EXOC4: variants seen among roughly 807,000 people sequenced by gnomAD.
The protein encoded by EXOC4 is SEC8-like 1.
Under a neutral mutation model 107.2 loss-of-function variants are expected in EXOC4, and 71 were observed. That is an observed-to-expected ratio of 0.66 (90% CI 0.55 to 0.81). The LOEUF is 0.81. Ranked by LOEUF, EXOC4 falls within the 30% of genes least tolerant of loss-of-function variation. The probability of loss-of-function intolerance (pLI) is 0.00; values close to 1 mark genes in which losing one functional copy is unlikely to be tolerated. For synonymous variants in EXOC4, 456 were observed against 441.2 expected, an observed-to-expected ratio of 1.03 and a Z score of -0.42; for missense variants, 1,108 against 1,189.6, an observed-to-expected ratio of 0.93 and a Z score of 1.01.
At chr7:133,634,690 G>A (rs1348836626) in intron 10 of EXOC4, among the ~76,000 whole-genome samples, 2 of 152,010 alleles carry the variant, frequency 1.3e-5, no homozygotes, top group Non-Finnish European at 2.9e-5. Context: ...TCGCCATGTT[G>A]GCCAGGCTGG....
chr7:133,366,763 A>C (rs1162005038), intron 6 of EXOC4, among the ~76,000 whole-genome samples: 1 of 152,158 alleles, frequency 6.6e-6, no homozygotes, highest in African/African-American at 2.4e-5. Context: ...CTATTTTGCC[A>C]ATCAGTGTCA....
chr7:133,903,424 G>A (rs1204845322), intron 12 of EXOC4, among the ~76,000 whole-genome samples: 2 of 152,202 alleles, frequency 1.3e-5, no homozygotes, highest in African/African-American at 4.8e-5. Flanking sequence ...CAGAGATGGA[G>A]GGAACTGGGT....
At chr7:133,613,143 ATTT>A (rs1802111585) in intron 9 of EXOC4, among the ~76,000 whole-genome samples, 1 of 152,184 alleles carries the variant, frequency 6.6e-6, no homozygotes, top group South Asian at 2.1e-4. Context: ...ATATTAGTCT[ATTT>A]TTATCATTTA....
chr7:133,558,189 CTCTTTTCTTTTCTTT>C (rs11275864), intron 9 of EXOC4, among the ~76,000 whole-genome samples: 3,392 of 114,330 alleles, frequency 0.03, 65 homozygotes, highest in East Asian at 0.1. Flanking sequence ...TTGGTTCCTT[CTCTTTTCTTTTCTTT>C]TCTTTTCTTT....
chr7:133,969,284 C>A (rs1438840345), intron 14 of EXOC4, among the ~76,000 whole-genome samples: 2 of 151,818 alleles, frequency 1.3e-5, no homozygotes, highest in Middle Eastern at 6.8e-3. Context: ...TGGGTTAGAA[C>A]ATGCTACTTT....
At chr7:133,618,096 A>G (rs1266049331) in intron 9 of EXOC4, among the ~76,000 whole-genome samples, 1 of 152,150 alleles carries the variant, frequency 6.6e-6, no homozygotes, top group African/African-American at 2.4e-5. Flanking sequence ...TATCAGACAC[A>G]TGATACAGGC....
At chr7:133,725,950 C>G (rs574442807) in intron 10 of EXOC4, among the ~76,000 whole-genome samples, 34 of 152,240 alleles carry the variant, frequency 2.2e-4, no homozygotes, top group African/African-American at 8.2e-4. Flanking sequence ...TGTTTGGACT[C>G]CACATTTGAC....
intron 10 of EXOC4, among the ~76,000 whole-genome samples, chr7:133,676,822 T>A (rs1794067986): frequency 6.6e-6 from 1 of 152,174 alleles, no homozygotes; most frequent in South Asian, 2.1e-4. Flanking sequence ...GTTCTTAAGA[T>A]CTCTTATTTA....
At chr7:133,448,347 G>C (rs1249476776) in intron 7 of EXOC4, among the ~76,000 whole-genome samples, 2 of 151,918 alleles carry the variant, frequency 1.3e-5, no homozygotes. Context: ...ACCCAGACTG[G>C]AATACAGTGG....
chr7:133,633,506 G>T (rs563403764), intron 10 of EXOC4, among the ~76,000 whole-genome samples: 1 of 152,180 alleles, frequency 6.6e-6, no homozygotes, highest in African/African-American at 2.4e-5. Flanking sequence ...ATCACCTGAG[G>T]TCAGGAGTTT....
intron 10 of EXOC4, among the ~76,000 whole-genome samples, chr7:133,678,946 G>A (rs924206110): frequency 2.0e-5 from 3 of 152,166 alleles, no homozygotes; most frequent in Non-Finnish European, 2.9e-5. Context: ...ATGGCTCCTC[G>A]TCCTGCCTGG....
chr7:133,760,286 T>C (rs1282022398), intron 10 of EXOC4, among the ~76,000 whole-genome samples: 1 of 152,210 alleles, frequency 6.6e-6, no homozygotes, highest in Non-Finnish European at 1.5e-5. Context: ...GTATAGTGAC[T>C]ATATTGGAAT....
intron 7 of EXOC4, among the ~76,000 whole-genome samples, chr7:133,469,682 A>G (rs1798823595): frequency 6.6e-6 from 1 of 152,206 alleles, no homozygotes; most frequent in South Asian, 2.1e-4. Flanking sequence ...CTGCAAACTC[A>G]TAGGGTAGAA....
intron 10 of EXOC4, among the ~76,000 whole-genome samples, chr7:133,667,421 A>C (rs1247717324): frequency 6.6e-6 from 1 of 152,168 alleles, no homozygotes; most frequent in Non-Finnish European, 1.5e-5. Context: ...TATAGTAAGT[A>C]TTTGTTTATT....
At chr7:133,376,619 T>G (rs1796497089) in intron 7 of EXOC4, among the ~76,000 whole-genome samples, 1 of 152,198 alleles carries the variant, frequency 6.6e-6, no homozygotes, top group South Asian at 2.1e-4. Flanking sequence ...GATATGAAGC[T>G]GTGTACACCA....
chr7:133,566,627 G>T (rs979955562), intron 9 of EXOC4, among the ~76,000 whole-genome samples: 4 of 152,172 alleles, frequency 2.6e-5, no homozygotes, highest in Non-Finnish European at 4.4e-5. Flanking sequence ...GTACATATTA[G>T]AACTTGGTTA....
intron 5 of EXOC4, among the ~76,000 whole-genome samples, chr7:133,323,658 G>T (rs1795167263): frequency 6.6e-6 from 1 of 152,130 alleles, no homozygotes; most frequent in African/African-American, 2.4e-5. Context: ...CAGGGATATT[G>T]GTCTAAAATT....
At chr7:133,264,956 A>C (rs1430525825) in intron 1 of EXOC4, among the ~76,000 whole-genome samples, 1 of 152,154 alleles carries the variant, frequency 6.6e-6, no homozygotes, top group African/African-American at 2.4e-5. Context: ...GCCCTTTAGT[A>C]TTTTAAAGGC....
Position 133,839,126 on chromosome 7 carries a change from A to C in EXOC4, c.1734+21582A>C, listed in dbSNP as rs546903968. ...CCTTTTTTCCTCTAGAGAACTTAGAATAAGGTGAGAGGCATAATGGCTTAG... is the reference window on the plus strand; with the variant it reads ...CCTTTTTTCCTCTAGAGAACTTAGACTAAGGTGAGAGGCATAATGGCTTAG... On this transcript the variant is annotated intron_variant, in intron 11 of 17. Transcript: ENST00000253861. Among the ~76,000 whole-genome samples the C allele has an allele frequency of 3.9e-5, 6 of 152,358 alleles. No homozygotes were observed. The East Asian group carries it at 1.2e-3, about 29-fold the overall frequency.
Sources: allele counts gnomAD v4.1 joint callset (sites outside exome capture counted in the v4.1 genomes callset), GRCh38; gene constraint gnomAD v4.1.1; transcripts MANE v1.5; gene names NCBI Gene and HGNC (gene_info 2026-07-23, HGNC 2026-07-21).